Variants in EPB41L4A observed in about 807,000 individuals in gnomAD.
The protein encoded by EPB41L4A is band 4.1-like protein 4A.
A neutral mutation model predicts 108.6 loss-of-function variants in EPB41L4A; 100 were observed. That is an observed-to-expected ratio of 0.92 (90% confidence interval 0.78 to 1.09). The LOEUF is 1.09. Among genes scored for constraint, EPB41L4A ranks in the 50% least tolerant of loss-of-function variants. The pLI, the probability that EPB41L4A is intolerant of heterozygous loss-of-function variation, is 0.00. For missense variants in EPB41L4A, 1,030 were observed against 842.7 expected, an observed-to-expected ratio of 1.22 and a Z score of -2.75; for synonymous variants, 319 against 289.0, an observed-to-expected ratio of 1.10 and a Z score of -1.05.
chr5:112,165,907 C>G (rs79503660), intron 22 of EPB41L4A, among the ~76,000 whole-genome samples: 6,933 of 152,232 alleles, frequency 0.046, 186 homozygotes, highest in Middle Eastern at 0.065. Flanking sequence ...TACTGACATT[C>G]AAAAAGCACT....
At chr5:112,276,121 C>A (rs1193267134) in intron 3 of EPB41L4A, among the ~76,000 whole-genome samples, 1 of 151,982 alleles carries the variant, frequency 6.6e-6, no homozygotes, top group Non-Finnish European at 1.5e-5. Context: ...CCTTTTTTTA[C>A]AGGAAAAAAG....
At chr5:112,266,958 T>C (rs971701706) in intron 4 of EPB41L4A, among the ~76,000 whole-genome samples, 1 of 152,224 alleles carries the variant, frequency 6.6e-6, no homozygotes, top group Non-Finnish European at 1.5e-5. Context: ...TTCTCCATTG[T>C]GCAGATGAGA....
chr5:112,191,501 A>T (rs1259642033), intron 17 of EPB41L4A, among the ~76,000 whole-genome samples: 6 of 152,180 alleles, frequency 3.9e-5, no homozygotes, highest in African/African-American at 1.4e-4. Context: ...GTTGATTCAT[A>T]AATGTTGTTT....
chr5:112,208,562 A>G (rs908493133), intron 13 of EPB41L4A, among the ~76,000 whole-genome samples: 7 of 152,258 alleles, frequency 4.6e-5, no homozygotes, highest in African/African-American at 1.7e-4. Context: ...AACAATAGAC[A>G]CTGGGGACCA....
At chr5:112,259,841 C>T in intron 8 of EPB41L4A, 50 bp downstream of exon 8, 1 of 1,356,280 alleles carries the variant, frequency 7.4e-7, no homozygotes. Flanking sequence ...CACAGGAGTC[C>T]CATAAGCCCA....
intron 2 of EPB41L4A, among the ~76,000 whole-genome samples, chr5:112,289,670 C>G (rs1255556158): frequency 2.0e-5 from 3 of 152,170 alleles, no homozygotes; most frequent in African/African-American, 7.2e-5. Context: ...GGTGCTCCAT[C>G]CCCAGTTGAA....
chr5:112,413,643 A>G (rs543631464), intron 1 of EPB41L4A, among the ~76,000 whole-genome samples: 1 of 152,188 alleles, frequency 6.6e-6, no homozygotes, highest in African/African-American at 2.4e-5. Context: ...ATAGGCACCT[A>G]CCTCCGCTTG....
At chr5:112,224,876 A>G (rs915728521) in intron 12 of EPB41L4A, among the ~76,000 whole-genome samples, 3 of 152,142 alleles carry the variant, frequency 2.0e-5, no homozygotes, top group Non-Finnish European at 4.4e-5. Flanking sequence ...CCTCCACCAT[A>G]TTTTCAGAAA....
At chr5:112,205,176 A>C (rs554764653) in intron 14 of EPB41L4A, among the ~76,000 whole-genome samples, 4 of 152,342 alleles carry the variant, frequency 2.6e-5, no homozygotes, top group African/African-American at 9.6e-5. Flanking sequence ...AGGCAATTTC[A>C]TAATATTTCC....
intron 5 of EPB41L4A, 53 bp downstream of exon 5, chr5:112,266,180 G>T: frequency 1.5e-6 from 2 of 1,296,246 alleles, no homozygotes; most frequent in Non-Finnish European, 1.1e-6. Context: ...TTTTAAAAAT[G>T]CAAATACTTT....
intron 20 of EPB41L4A, 93 bp downstream of exon 20, chr5:112,170,208 T>A (rs1760494899): frequency 8.0e-7 from 1 of 1,245,856 alleles, no homozygotes; most frequent in Non-Finnish European, 1.1e-6. Context: ...AAAGACAAAT[T>A]AAAGCACTGT....
rs1422439533 is a variant in EPB41L4A, at chr5:112,185,556, C to T, written c.1503-1421G>A. On this transcript the variant is annotated intron_variant, in intron 17 of 22. Coordinates refer to ENST00000261486, the MANE Select transcript of EPB41L4A (RefSeq NM_022140.5). ...GTAAAAAACTATCTGTAACATACTC[C>T]AAGCCTTTGAAGTGTATGTATTTCC... Among the ~76,000 whole-genome samples the T allele has an allele frequency of 2.6e-5, 4 of 152,172 alleles. No homozygotes were observed. The East Asian group carries it at 5.8e-4, about 22-fold the overall frequency.
In EPB41L4A at chr5:112,294,933, A is replaced by G. The variant is rs139499308; in HGVS notation, c.204+12453T>C. 2.6e-3 allele frequency among the ~76,000 whole-genome samples: 394 copies of G among 152,346 alleles called. 1 individual carries two copies. Among genetic ancestry groups the G allele is most frequent in the African/African-American group, 9.3e-3 (385 of 41,578 alleles). ...GACACCATCAAAGTCGCCTTTCTGAAAGAAAACTGCAATTGCAGTGGGGAA... is the reference window on the plus strand; with the variant it reads ...GACACCATCAAAGTCGCCTTTCTGAGAGAAAACTGCAATTGCAGTGGGGAA... On this transcript the variant is annotated intron_variant, in intron 2 of 22. Transcript: ENST00000261486.
rs745938781 is a variant in EPB41L4A, at chr5:112,307,434, C to T, written c.156G>A (p.Val52=). The T allele has an allele frequency of 1.9e-5, 30 of 1,613,276 alleles. No individual in the cohort carries two copies. In the South Asian group the frequency reaches 3.0e-4, roughly 16 times the overall value. Residue 52 remains valine, a synonymous_variant, in exon 2 of 23, where the codon GTG becomes GTA. Transcript: ENST00000261486. ...AACGTAGCCCAAAATAATCTATCTCCACAAGGTTTACGTGATGGAATACGT... is the reference window on the plus strand; with the variant it reads ...AACGTAGCCCAAAATAATCTATCTCTACAAGGTTTACGTGATGGAATACGT... ...LDHVFHHVNL[V]EIDYFGLRYC... is the part of the protein sequence containing the mutation.
chr5:112,343,307 G>A (rs1178535396), intron 1 of EPB41L4A, among the ~76,000 whole-genome samples: 2 of 152,092 alleles, frequency 1.3e-5, no homozygotes, highest in East Asian at 3.9e-4. Context: ...TGGAGACAAG[G>A]TACTACAGTG....
chr5:112,232,073 C>T (rs976253294), intron 12 of EPB41L4A, among the ~76,000 whole-genome samples: 3 of 147,870 alleles, frequency 2.0e-5, no homozygotes, highest in African/African-American at 7.6e-5. Context: ...ATGGCCACAA[C>T]ACTGCATTCC....
At chr5:112,154,687 T>G (rs1023741900) in intron 12 of EPB41L4A, among the ~76,000 whole-genome samples, 3 of 152,204 alleles carry the variant, frequency 2.0e-5, no homozygotes, top group African/African-American at 7.2e-5. Context: ...CACAAAATTT[T>G]TTTAAATCTG....
At chr5:112,346,054 G>C in intron 1 of EPB41L4A, among the ~76,000 whole-genome samples, 1 of 151,792 alleles carries the variant, frequency 6.6e-6, no homozygotes, top group Non-Finnish European at 1.5e-5. Context: ...GAAAGACTAA[G>C]AACAAGACTG....
intron 17 of EPB41L4A, among the ~76,000 whole-genome samples, chr5:112,187,630 C>G (rs1266824958): frequency 6.6e-6 from 1 of 152,098 alleles, no homozygotes; most frequent in East Asian, 1.9e-4. Context: ...CCTGTCTTAC[C>G]AATTACAGTC....
Sources: allele counts gnomAD v4.1 joint callset (sites outside exome capture counted in the v4.1 genomes callset), GRCh38; gene constraint gnomAD v4.1.1; transcripts MANE v1.5; gene names NCBI Gene and HGNC (gene_info 2026-07-23, HGNC 2026-07-21).